Variants in RIPOR2 observed in about 807,000 individuals in gnomAD.
The protein encoded by RIPOR2 is rho family-interacting cell polarization regulator 2.
A neutral mutation model predicts 114.5 loss-of-function variants in RIPOR2; 39 were observed. The observed-to-expected ratio is 0.34, with a 90% CI of 0.26 to 0.44. The LOEUF (loss-of-function observed/expected upper bound fraction) is 0.44, where lower values mean the gene tolerates loss of function less well. Among genes scored for constraint, RIPOR2 ranks in the 20% least tolerant of loss-of-function variants. The pLI is 1.00. For synonymous variants in RIPOR2, 445 were observed against 484.4 expected, an observed-to-expected ratio of 0.92 and a Z score of 1.07; for missense variants, 1,007 against 1,255.1, an observed-to-expected ratio of 0.80 and a Z score of 2.99.
Position 24,839,637 on chromosome 6 carries a change from CA to C in RIPOR2, c.1858-366del, listed in dbSNP as rs372089004. 54 of 1,533,158 alleles carry C rather than the reference CA, an allele frequency of 3.5e-5. No homozygotes were observed. In the African/African-American group the frequency reaches 5.5e-4, roughly 16 times the overall value. 95.0% of individuals were successfully genotyped at this position (1,533,158 alleles called of 1,614,324 possible). On this transcript the variant is annotated intron_variant, in intron 13 of 21. Coordinates refer to ENST00000643898, the MANE Select transcript of RIPOR2 (RefSeq NM_001286445.3). ...TTTATAACAAAAAGTTGAAAAAAAA[CA>C]AAAAAAACAAAAAACAAAACCATGT...
chr6:24,955,099 TAG>T (rs765108062), intron 1 of RIPOR2, among the ~76,000 whole-genome samples: 58 of 152,338 alleles, frequency 3.8e-4, no homozygotes, highest in Non-Finnish European at 6.9e-4. Context: ...ATCTCTGGAT[TAG>T]ATATTTTGGG....
At chr6:24,977,748 A>C (rs1000939891) in intron 1 of RIPOR2, among the ~76,000 whole-genome samples, 4 of 152,178 alleles carry the variant, frequency 2.6e-5, no homozygotes, top group Admixed American at 2.6e-4. Flanking sequence ...TGGCTCTTGA[A>C]ATCCTAATTA....
chr6:25,024,143 G>T, intron 1 of RIPOR2: 1 of 1,020,204 alleles, frequency 9.8e-7, no homozygotes, highest in Non-Finnish European at 1.5e-6. Flanking sequence ...CGGTGGCGCC[G>T]CGGGACACCC....
chr6:24,913,967 G>C (rs904892491), intron 1 of RIPOR2, among the ~76,000 whole-genome samples: 1 of 152,246 alleles, frequency 6.6e-6, no homozygotes, highest in Non-Finnish European at 1.5e-5. Context: ...AAAAGGAATG[G>C]TTCTTTCCAA....
chr6:25,018,431 A>G (rs1776125097), intron 1 of RIPOR2, among the ~76,000 whole-genome samples: 1 of 152,226 alleles, frequency 6.6e-6, no homozygotes, highest in African/African-American at 2.4e-5. Flanking sequence ...TAGGTAATAA[A>G]TAAGATTTTA....
chr6:24,869,592 A>C (rs1369597375), intron 5 of RIPOR2, among the ~76,000 whole-genome samples: 1 of 152,164 alleles, frequency 6.6e-6, no homozygotes, highest in East Asian at 1.9e-4. Flanking sequence ...TGCTGGGATT[A>C]CAGATATGAG....
rs745837159 is a variant in RIPOR2 at position 24,849,871 on chromosome 6, C to T, written c.965G>A (p.Arg322Gln). 1.3e-5 allele frequency: 21 copies of T among 1,613,650 alleles called. No homozygotes were observed. The highest frequency in any genetic ancestry group is 9.3e-5 in the African/African-American group (7 of 74,880). Reference sequence around the variant, plus strand: ...GATGTCGACAGCCACTACCTGAGGTCGGGCTGCAAACAGCTCTTTGGTCTC... The same window carrying T: ...GATGTCGACAGCCACTACCTGAGGTTGGGCTGCAAACAGCTCTTTGGTCTC... ...TCETKELFAA[R>Q]PQVVAVDIND... is the part of the protein sequence containing the mutation. Residue 322 changes from arginine to glutamine, a missense_variant, in exon 11 of 22, where the codon CGA becomes CAA. By Grantham distance (43) the Arg-to-Gln change is conservative. Coordinates refer to ENST00000643898, the MANE Select transcript of RIPOR2 (RefSeq NM_001286445.3).
At chr6:24,981,771 A>T (rs1220082107) in intron 1 of RIPOR2, among the ~76,000 whole-genome samples, 1 of 152,264 alleles carries the variant, frequency 6.6e-6, no homozygotes, top group Non-Finnish European at 1.5e-5. Context: ...CAGTGTTGTC[A>T]TCTATGAAAT....
intron 1 of RIPOR2, among the ~76,000 whole-genome samples, chr6:25,008,555 C>A (rs1775650668): frequency 6.6e-6 from 1 of 152,220 alleles, no homozygotes; most frequent in African/African-American, 2.4e-5. Flanking sequence ...CCATTTTGGA[C>A]TTCTGGCCTA....
At chr6:24,912,501 T>C (rs1376769345) in intron 1 of RIPOR2, among the ~76,000 whole-genome samples, 3 of 134,764 alleles carry the variant, frequency 2.2e-5, no homozygotes, top group African/African-American at 8.9e-5. Flanking sequence ...AGAGCTTTTA[T>C]AGCACCTTAG....
chr6:24,818,002 C>T (rs1268522612), intron 20 of RIPOR2, among the ~76,000 whole-genome samples: 2 of 36,964 alleles, frequency 5.4e-5, no homozygotes, highest in Admixed American at 7.7e-4. Context: ...CAGAGTCTGG[C>T]TCTGCCACCC....
At chr6:24,924,019 G>C (rs1032703438) in intron 1 of RIPOR2, among the ~76,000 whole-genome samples, 2 of 152,076 alleles carry the variant, frequency 1.3e-5, no homozygotes, top group South Asian at 4.1e-4. Flanking sequence ...CTCTCCTGTC[G>C]TGTCTGTTTT....
At chr6:24,837,015 T>C (rs949381315) in intron 14 of RIPOR2, among the ~76,000 whole-genome samples, 12 of 152,256 alleles carry the variant, frequency 7.9e-5, no homozygotes, top group Admixed American at 5.9e-4. Flanking sequence ...ATGCCTGACT[T>C]TGCTACATCC....
rs1765089812 is a variant in RIPOR2 at position 24,870,809 on chromosome 6, C to T, written c.447+57G>A. On this transcript the variant is annotated intron_variant, in intron 5 of 21. Transcript: ENST00000643898. ...GATGACAGGCGTGAGCCACCGTGCC[C>T]AGCAAGGATGCAGAATTTTTTTCTT... 1.1e-5 allele frequency: 16 copies of T among 1,403,992 alleles called. 1 individual carries two copies. The South Asian group carries it at 1.9e-4, about 17-fold the overall frequency. The allele number at this position is 1,403,992 out of a possible 1,614,324, so 87.0% of individuals were successfully genotyped here.
At chr6:24,836,274 A>C (rs1393592827) in intron 14 of RIPOR2, among the ~76,000 whole-genome samples, 1 of 152,208 alleles carries the variant, frequency 6.6e-6, no homozygotes, top group Non-Finnish European at 1.5e-5. Flanking sequence ...ACCATTAAGA[A>C]ATAATCTGCC....
Position 24,851,056 on chromosome 6 carries a change from C to T in RIPOR2, c.760-334G>A, listed in dbSNP as rs145048996. 4.5e-3 allele frequency among the ~76,000 whole-genome samples: 677 copies of T among 152,116 alleles called. 3 individuals are homozygous for T. Among genetic ancestry groups the T allele is most frequent in the African/African-American group, 0.014 (563 of 41,490 alleles). The stretch of plus-strand genomic sequence containing the variant: ...GACTACAGGCATGTGCCACCATGCC[C>T]GGCTAATTTCTGTATTTTTAGTAAG... On this transcript the variant is annotated intron_variant, in intron 9 of 21. Coordinates refer to ENST00000643898, the MANE Select transcript of RIPOR2 (RefSeq NM_001286445.3).
chr6:24,967,065 A>G (rs1424991672), intron 1 of RIPOR2, among the ~76,000 whole-genome samples: 3 of 152,174 alleles, frequency 2.0e-5, no homozygotes, highest in Admixed American at 6.5e-5. Flanking sequence ...TATTTGAGTT[A>G]CTGACCAAAG....
chr6:24,948,552 AT>A, intron 1 of RIPOR2, among the ~76,000 whole-genome samples: 1 of 141,990 alleles, frequency 7.0e-6, no homozygotes, highest in African/African-American at 2.6e-5. Context: ...TTTTTTTGAG[AT>A]GGAGTTTCGC....
At chr6:24,898,848 C>G (rs548208646) in intron 1 of RIPOR2, among the ~76,000 whole-genome samples, 1 of 151,998 alleles carries the variant, frequency 6.6e-6, no homozygotes, top group East Asian at 1.9e-4. Context: ...TCCGTCATAA[C>G]AAAAACATAT....
Sources: gnomAD v4.1 joint callset for allele counts (sites outside exome capture counted in the v4.1 genomes callset) on GRCh38, gnomAD v4.1.1 for gene constraint, MANE v1.5 for transcripts, NCBI Gene and HGNC (gene_info 2026-07-23, HGNC 2026-07-21) for gene names.